Variants in FKBP3 observed in about 807,000 individuals in gnomAD.
The protein encoded by FKBP3 is FKBP prolyl isomerase 3.
A neutral mutation model predicts 30.6 loss-of-function variants in FKBP3; 21 were observed. That is an observed-to-expected ratio of 0.69 (90% confidence interval 0.49 to 0.99). FKBP3 has a LOEUF of 0.99. Ranked by LOEUF, FKBP3 falls within the 50% of genes least tolerant of loss-of-function variation. FKBP3 has a pLI of 0.00. For synonymous variants in FKBP3, 82 were observed against 91.3 expected (o/e 0.90, Z 0.58); for missense variants, 283 against 261.6 (o/e 1.08, Z -0.56).
rs766747324 is a variant in FKBP3, at chr14:45,118,053, C to T, written c.595G>A (p.Gly199Arg). The change falls in exon 6 of 7, where the codon GGA becomes AGA. Residue 199 changes from glycine to arginine, a missense_variant. By Grantham distance (125) the Gly-to-Arg change is moderately radical (BLOSUM62 -2). Transcript: ENST00000396062. ...RLEIEPEWAY[G>R]KKGQPDAKIP... ...TTGGCATCAGGCTGTCCTTTCTTTC[C>T]GTAAGCCCATTCTGGTTCAATCTCC... is the stretch of plus-strand genomic sequence containing the variant. 8.1e-6 allele frequency: 13 copies of T among 1,605,600 alleles called. No homozygotes were observed. The highest frequency in any genetic ancestry group is 4.5e-5 in the East Asian group (2 of 44,610).
In FKBP3 at chr14:45,116,008, T is replaced by C; in HGVS notation, c.*190A>G. The C allele has an allele frequency of 1.8e-6, 1 of 550,816 alleles. No individual in the cohort carries two copies. Among genetic ancestry groups the C allele is most frequent in the Non-Finnish European group, 3.3e-6 (1 of 304,090 alleles). 34.1% of individuals were successfully genotyped at this position (550,816 alleles called of 1,614,324 possible). On this transcript the variant is annotated 3_prime_UTR_variant, in exon 7 of 7. Coordinates refer to ENST00000396062, the MANE Select transcript of FKBP3 (RefSeq NM_002013.4). ...TTTACACAGCTGTAGGAAAGTATTT[T>C]AGACCAGGGATTCATAAGGGATTTA... is the stretch of plus-strand genomic sequence containing the variant.
In FKBP3 at chr14:45,115,915, T is replaced by A; in HGVS notation, c.*283A>T. On this transcript the variant is annotated 3_prime_UTR_variant, in exon 7 of 7. Coordinates refer to ENST00000396062, the MANE Select transcript of FKBP3 (RefSeq NM_002013.4). ...ATCACAGTCAGATCAAGACAGTGGATCAATTTTTATTGAGCCACTTAAGTT... is the reference window on the plus strand; with the variant it reads ...ATCACAGTCAGATCAAGACAGTGGAACAATTTTTATTGAGCCACTTAAGTT... 1 of 352,448 alleles carries A rather than the reference T, an allele frequency of 2.8e-6. No homozygotes were observed. The highest frequency in any genetic ancestry group is 5.4e-6 in the Non-Finnish European group (1 of 185,726). The allele number at this position is 352,448 out of a possible 1,614,324, so 21.8% of individuals were successfully genotyped here. A position where few individuals can be genotyped will look rare whatever the true frequency, so the allele number is the denominator to read the frequency against.
intron 3 of FKBP3, among the ~76,000 whole-genome samples, chr14:45,124,318 G>A (rs374693369): frequency 2.6e-5 from 4 of 152,070 alleles, no homozygotes; most frequent in African/African-American, 9.7e-5. Context: ...ATCACCTGAG[G>A]TCAGGAGTTC....
At chr14:45,116,318 AG>A in intron 6 of FKBP3, 66 bp from the exon 7 acceptor site, 1 of 1,147,456 alleles carries the variant, frequency 8.7e-7, no homozygotes. Context: ...ACCTTAGTGT[AG>A]GATAGGCTGA....
At chr14:45,130,604 C>A in intron 2 of FKBP3, 95 bp downstream of exon 2, 1 of 698,618 alleles carries the variant, frequency 1.4e-6, no homozygotes, top group South Asian at 2.2e-5. Context: ...TGGAAAAGCT[C>A]CAACACATTC....
intron 3 of FKBP3, 60 bp from the exon 4 acceptor site, chr14:45,121,680 GACAA>G: frequency 6.4e-7 from 1 of 1,561,590 alleles, no homozygotes; most frequent in South Asian, 1.2e-5. Flanking sequence ...TTAAAAGAAT[GACAA>G]ACAATAGCCA....
chr14:45,134,075 TCCACCC>T (rs1885297747), intron 1 of FKBP3, among the ~76,000 whole-genome samples: 1 of 152,130 alleles, frequency 6.6e-6, no homozygotes, highest in Admixed American at 6.5e-5. Flanking sequence ...TTTTCTGGCC[TCCACCC>T]CCACTCAAGG....
intron 3 of FKBP3, among the ~76,000 whole-genome samples, chr14:45,128,428 T>TG (rs1403367686): frequency 2.0e-5 from 3 of 152,354 alleles, no homozygotes; most frequent in African/African-American, 7.2e-5. Context: ...AGCAATGTGA[T>TG]GGAGAACTGG....
intron 3 of FKBP3, among the ~76,000 whole-genome samples, chr14:45,122,866 C>T (rs568482450): frequency 7.2e-5 from 11 of 152,004 alleles, no homozygotes; most frequent in Admixed American, 7.2e-4. Flanking sequence ...ATTTCCCTAG[C>T]TGAAGGTTTT....
intron 3 of FKBP3, among the ~76,000 whole-genome samples, chr14:45,126,425 T>C (rs1594743989): frequency 6.7e-6 from 1 of 149,862 alleles, no homozygotes; most frequent in South Asian, 2.1e-4. Context: ...GAGGCGGAGG[T>C]TGCAGTGAGC....
At chr14:45,126,125 A>C (rs1885091053) in intron 3 of FKBP3, among the ~76,000 whole-genome samples, 1 of 151,566 alleles carries the variant, frequency 6.6e-6, no homozygotes, top group Non-Finnish European at 1.5e-5. Context: ...TCCTGGGCTC[A>C]AGTGATCCAC....
chr14:45,134,197 A>G (rs1413414171), intron 1 of FKBP3, 152 bp downstream of exon 1: 1 of 643,690 alleles, frequency 1.6e-6, no homozygotes, highest in African/African-American at 1.9e-5. Flanking sequence ...GCGAGGCACC[A>G]AAGCACAAGC....
chr14:45,115,941 T>C lies in FKBP3; in HGVS notation c.*257A>G. ...CAATTTTTATTGAGCCACTTAAGTT[T>C]ACAACATGAGGTAAAAGGAAAAAGT... On this transcript the variant is annotated 3_prime_UTR_variant, in exon 7 of 7. Transcript: ENST00000396062. 2 of 406,028 alleles carry C rather than the reference T, an allele frequency of 4.9e-6. No individual in the cohort carries two copies. The highest frequency in any genetic ancestry group is 7.0e-5 in the Admixed American group (2 of 28,650). 25.2% of individuals were successfully genotyped at this position (406,028 alleles called of 1,614,324 possible).
chr14:45,116,978 GC>G (rs916784438), intron 6 of FKBP3, among the ~76,000 whole-genome samples: 101 of 148,568 alleles, frequency 6.8e-4, no homozygotes, highest in African/African-American at 2.1e-3. Flanking sequence ...TGATTTCCCC[GC>G]CCCCCCCACC....
At chr14:45,132,207 A>G (rs564237637) in intron 1 of FKBP3, among the ~76,000 whole-genome samples, 1 of 152,318 alleles carries the variant, frequency 6.6e-6, no homozygotes, top group Non-Finnish European at 1.5e-5. Flanking sequence ...GTTCTAAATA[A>G]CAGCTGATGG....
intron 1 of FKBP3, among the ~76,000 whole-genome samples, chr14:45,132,196 T>C (rs1885231596): frequency 1.3e-5 from 2 of 152,226 alleles, no homozygotes; most frequent in Non-Finnish European, 2.9e-5. Flanking sequence ...TTCAAAGATA[T>C]GTTCTAAATA....
At chr14:45,118,161 T>A (rs766862411) in intron 5 of FKBP3, 36 bp from the exon 6 acceptor site, 1 of 1,415,118 alleles carries the variant, frequency 7.1e-7, no homozygotes. Context: ...TAATGGTATT[T>A]TGCAAAAAGC....
intron 4 of FKBP3, 119 bp from the exon 5 acceptor site, chr14:45,121,073 T>C (rs1884974905): frequency 1.2e-6 from 1 of 807,810 alleles, no homozygotes; most frequent in South Asian, 1.7e-5. Context: ...AGAATTACAA[T>C]ACTATGTATT....
At chr14:45,122,582 C>G (rs528708789) in intron 3 of FKBP3, among the ~76,000 whole-genome samples, 2 of 151,734 alleles carry the variant, frequency 1.3e-5, no homozygotes. Flanking sequence ...CTCACTGCAA[C>G]AACCTCTGCC....
Sources: allele counts gnomAD v4.1 joint callset (sites outside exome capture counted in the v4.1 genomes callset), GRCh38; gene constraint gnomAD v4.1.1; transcripts MANE v1.5; gene names NCBI Gene and HGNC (gene_info 2026-07-23, HGNC 2026-07-21).